Variants in HEATR6 observed in about 807,000 individuals in gnomAD.
HEATR6 encodes the protein HEAT repeat containing 6.
A neutral mutation model predicts 132.8 loss-of-function variants in HEATR6; 106 were observed. The ratio of observed to expected loss-of-function variants is 0.80; its 90% confidence interval spans 0.68 to 0.94. The LOEUF (loss-of-function observed/expected upper bound fraction) is 0.94. HEATR6 is among the 40% of genes least tolerant of loss of function. The probability of loss-of-function intolerance (pLI) is 0.00; values close to 1 mark genes in which losing one functional copy is unlikely to be tolerated. For synonymous variants in HEATR6, 529 were observed against 537.8 expected (o/e 0.98, Z 0.23); for missense variants, 1,339 against 1,425.1 (o/e 0.94, Z 0.97).
At position 60,049,169 on chromosome 17, in the gene HEATR6, C is replaced by T. The variant is rs1906497562; in HGVS notation, c.2547+411G>A. ...TGTGTGTGTGTGTCTGGCTCTGCCA[C>T]CCAGGCTGGAGTGCAGTGGTATGAT... On this transcript the variant is annotated intron_variant, in intron 16 of 19. Transcript: ENST00000184956. Among the ~76,000 whole-genome samples the T allele has an allele frequency of 2.1e-5, 3 of 144,698 alleles. No homozygotes were observed. The South Asian group carries it at 6.4e-4, about 31-fold the overall frequency. 94.9% of individuals were successfully genotyped at this position (144,698 alleles called of 152,430 possible).
Position 60,043,454 on chromosome 17 carries a change from A to C in HEATR6, c.*109T>G, listed in dbSNP as rs952861224. 2 of 955,102 alleles carry C rather than the reference A, an allele frequency of 2.1e-6. No homozygotes were observed. The highest frequency in any genetic ancestry group is 4.7e-5 in the Admixed American group (2 of 42,528). 59.2% of individuals were successfully genotyped at this position (955,102 alleles called of 1,614,324 possible). A position where few individuals can be genotyped will look rare whatever the true frequency, so the allele number is the denominator to read the frequency against. ...AATGGCTGCTAAGTCATTCTAAATA[A>C]ATAGTGAACGGATTGTTTCTGCCCC... On this transcript the variant is annotated 3_prime_UTR_variant, in exon 20 of 20. Transcript: ENST00000184956.
chr17:60,073,109 G>A (rs992251492), intron 4 of HEATR6, 55 bp downstream of exon 4: 16 of 1,006,226 alleles, frequency 1.6e-5, no homozygotes, highest in African/African-American at 3.2e-5. Context: ...CCTACAAAGG[G>A]CCCAATAGAG....
Position 60,043,619 on chromosome 17 carries a change from C to A in HEATR6, c.3490G>T (p.Val1164Phe). The change falls in exon 20 of 20, where the codon GTT (valine) becomes TTT (phenylalanine). Residue 1164 changes from valine (V) to phenylalanine (F), a missense_variant. Transcript: ENST00000184956. The stretch of plus-strand genomic sequence containing the variant: ...TGTGATCCAGATGAGTCAAAACAAA[C>A]GGCCAGGATCTCTTCTAAAAAGCCC... ...IMGFLEEILA[V>F]CFDSSGSQGA... 1 of 1,614,058 alleles carries A rather than the reference C, an allele frequency of 6.2e-7. No homozygotes were observed. Among genetic ancestry groups the A allele is most frequent in the Non-Finnish European group, 8.5e-7 (1 of 1,180,014 alleles).
At chr17:60,049,500 G>T in intron 16 of HEATR6, 80 bp downstream of exon 16, 1 of 1,510,782 alleles carries the variant, frequency 6.6e-7, no homozygotes, top group Non-Finnish European at 9.1e-7. Context: ...ACCATCCAAT[G>T]CAGGAGCTCT....
At chr17:60,048,412 C>T (rs1906445466) in intron 16 of HEATR6, 24 bp from the exon 17 acceptor site, 2 of 1,590,814 alleles carry the variant, frequency 1.3e-6, no homozygotes, top group African/African-American at 1.3e-5. Flanking sequence ...CAAAACACTG[C>T]AGTTACTTTA....
chr17:60,055,963 C>T (rs9900396), intron 13 of HEATR6, 152 bp downstream of exon 13: 65,542 of 905,426 alleles, frequency 0.072, 3,215 homozygotes, highest in African/African-American at 0.2. Context: ...AATGCATGTC[C>T]TCCTTACCTG....
chr17:60,069,295 A>G (rs2083257807), intron 7 of HEATR6, among the ~76,000 whole-genome samples: 1 of 152,244 alleles, frequency 6.6e-6, no homozygotes. Flanking sequence ...AATTTTAGTG[A>G]AACACAGTCA....
intron 18 of HEATR6, 28 bp from the exon 19 acceptor site, chr17:60,046,257 T>A (rs1357495659): frequency 1.1e-5 from 17 of 1,549,894 alleles, no homozygotes; most frequent in Non-Finnish European, 1.3e-5. Context: ...GCTTTAGAAA[T>A]CTGTTTGGCC....
intron 8 of HEATR6, among the ~76,000 whole-genome samples, chr17:60,066,723 C>T (rs2145196539): frequency 6.6e-6 from 1 of 152,308 alleles, no homozygotes; most frequent in South Asian, 2.1e-4. Flanking sequence ...CGAATATCTA[C>T]TGAATGACCT....
At chr17:60,062,675 G>A (rs980638354) in intron 9 of HEATR6, among the ~76,000 whole-genome samples, 5 of 152,160 alleles carry the variant, frequency 3.3e-5, no homozygotes, top group African/African-American at 1.2e-4. Context: ...AAAGTCAGTT[G>A]TCTTTTACGT....
chr17:60,059,429 G>A lies in HEATR6; in HGVS notation c.1716C>T (p.Arg572=), dbSNP rs1383426109. 1.9e-6 allele frequency: 3 copies of A among 1,607,718 alleles called. No individual in the cohort carries two copies. Among genetic ancestry groups the A allele is most frequent in the African/African-American group, 2.7e-5 (2 of 74,664 alleles). The change falls in exon 11 of 20, where the codon CGC becomes CGT. Residue 572 remains arginine, a synonymous_variant. Transcript: ENST00000184956. ...KVWNQIKPYI[R]HKDVNVRVSS... ...TTTTAAGCCACTACAAACCTTTGTG[G>A]CGAATATAAGGCTTTATCTGGTTCC...
chr17:60,060,109 G>C lies in HEATR6; in HGVS notation c.1417-13C>G. 1 of 1,600,382 alleles carries C rather than the reference G, an allele frequency of 6.2e-7. No homozygotes were observed. Among genetic ancestry groups the C allele is most frequent in the Non-Finnish European group, 8.6e-7 (1 of 1,167,998 alleles). On this transcript the variant is annotated splice_polypyrimidine_tract_variant and intron_variant, in intron 9 of 19. Coordinates refer to ENST00000184956, the MANE Select transcript of HEATR6 (RefSeq NM_022070.5). ...CACAGGCACGTGTCTGAAATTTCGG[G>C]ATGATTCACATTGATTAGTTGAAAA...
chr17:60,074,627 G>T (rs1363232840), intron 2 of HEATR6, among the ~76,000 whole-genome samples: 1 of 152,210 alleles, frequency 6.6e-6, no homozygotes, highest in African/African-American at 2.4e-5. Flanking sequence ...TGCTGGCAGA[G>T]TACTAATTTA....
chr17:60,062,291 T>C (rs1001538335), intron 9 of HEATR6, among the ~76,000 whole-genome samples: 1 of 152,236 alleles, frequency 6.6e-6, no homozygotes, highest in Non-Finnish European at 1.5e-5. Flanking sequence ...ATAACAGGTG[T>C]AGCTCTTCAG....
rs141235456 is a variant in HEATR6, at chr17:60,057,784, C to T, written c.1724-381G>A. Among the ~76,000 whole-genome samples, 1,053 of 151,962 alleles carry T rather than the reference C, an allele frequency of 6.9e-3. 14 individuals are homozygous for T. Among genetic ancestry groups the T allele is most frequent in the African/African-American group, 0.024 (1,007 of 41,442 alleles). ...CAATGCATGTACCTTGAATGAACCC[C>T]GGATTTTAACAAGAAATATTTTTAA... is the stretch of plus-strand genomic sequence containing the variant. On this transcript the variant is annotated intron_variant, in intron 11 of 19. Coordinates refer to ENST00000184956, the MANE Select transcript of HEATR6 (RefSeq NM_022070.5).
intron 18 of HEATR6, among the ~76,000 whole-genome samples, chr17:60,046,580 C>T (rs954271308): frequency 2.6e-5 from 4 of 152,158 alleles, no homozygotes; most frequent in Non-Finnish European, 4.4e-5. Context: ...CAGTCCAATA[C>T]TTTTCTACTA....
In HEATR6 at chr17:60,046,241, GT is replaced by G; in HGVS notation, c.2770-13del. ...GCATTGCTTTTTACCTAGAAAAAAT[GT>G]AAATGCTTTAGAAATCTGTTTGGCC... On this transcript the variant is annotated splice_polypyrimidine_tract_variant and intron_variant, in intron 18 of 19. Coordinates refer to ENST00000184956, the MANE Select transcript of HEATR6 (RefSeq NM_022070.5). The G allele has an allele frequency of 6.3e-7, 1 of 1,576,728 alleles. No homozygotes were observed. The highest frequency in any genetic ancestry group is 1.2e-5 in the South Asian group (1 of 86,718).
At chr17:60,062,703 G>A (rs1422514832) in intron 9 of HEATR6, among the ~76,000 whole-genome samples, 1 of 152,192 alleles carries the variant, frequency 6.6e-6, no homozygotes, top group Middle Eastern at 3.4e-3. Context: ...TTTCAACATT[G>A]TGTCAGGGAC....
At chr17:60,050,646 G>A (rs568596570) in intron 15 of HEATR6, among the ~76,000 whole-genome samples, 197 bp downstream of exon 15, 1 of 152,264 alleles carries the variant, frequency 6.6e-6, no homozygotes, top group East Asian at 1.9e-4. Flanking sequence ...TGCACAGGGG[G>A]AAACAGCTTT....
Sources: gnomAD v4.1 joint callset for allele counts (sites outside exome capture counted in the v4.1 genomes callset) on GRCh38, gnomAD v4.1.1 for gene constraint, MANE v1.5 for transcripts, NCBI Gene and HGNC (gene_info 2026-07-23, HGNC 2026-07-21) for gene names.